Variants in TMEM108 observed in about 807,000 individuals in gnomAD.
TMEM108 encodes cancer/testis antigen 124.
A neutral mutation model predicts 35.1 loss-of-function variants in TMEM108; 12 were observed. The observed-to-expected ratio is 0.34, with a 90% CI of 0.22 to 0.55. The LOEUF is 0.55. Ranked by LOEUF, TMEM108 falls within the 20% of genes least tolerant of loss-of-function variation. The pLI is 0.89. For missense variants in TMEM108, 680 were observed against 753.3 expected, an observed-to-expected ratio of 0.90 and a Z score of 1.14; for synonymous variants, 287 against 308.6, an observed-to-expected ratio of 0.93 and a Z score of 0.73.
In TMEM108 at chr3:133,380,901, T is replaced by C; in HGVS notation, c.1190T>C (p.Ile397Thr). 6.2e-7 allele frequency: 1 copy of C among 1,614,162 alleles called. No homozygotes were observed. The highest frequency in any genetic ancestry group is 8.5e-7 in the Non-Finnish European group (1 of 1,180,014). ...CCCTCCAGGGTCTCAGAAAGCACTATTTCTGGAGCCAAGGAGGAGACTGTG... is the reference window on the plus strand; with the variant it reads ...CCCTCCAGGGTCTCAGAAAGCACTACTTCTGGAGCCAAGGAGGAGACTGTG... Reference protein sequence around the residue: ...THPSRVSESTISGAKEETVAT... With the variant: ...THPSRVSESTTSGAKEETVAT... The change falls in exon 4 of 6, where the codon ATT becomes ACT. Residue 397 changes from isoleucine (I) to threonine (T), a missense_variant. Around this residue, in one of 3 missense-constraint regions of TMEM108, gnomAD observed 526 missense variants for 532.1 expected, o/e 0.99. Coordinates refer to ENST00000321871, the MANE Select transcript of TMEM108 (RefSeq NM_023943.4). The surrounding 1 kb of genome is among the most constrained non-coding windows in gnomAD (Gnocchi z 5.3).
At chr3:133,322,116 G>C (rs1306220436) in intron 3 of TMEM108, among the ~76,000 whole-genome samples, 3 of 151,888 alleles carry the variant, frequency 2.0e-5, no homozygotes, top group African/African-American at 4.8e-5. Flanking sequence ...TACACCTCAA[G>C]GTACTAGAGA....
intron 3 of TMEM108, among the ~76,000 whole-genome samples, chr3:133,242,087 T>C (rs934785268): frequency 6.6e-6 from 1 of 152,184 alleles, no homozygotes; most frequent in African/African-American, 2.4e-5. Context: ...CCTTCTCCTC[T>C]TTTCCATGTA....
At chr3:133,282,456 A>G (rs1190183613) in intron 3 of TMEM108, among the ~76,000 whole-genome samples, 1 of 152,214 alleles carries the variant, frequency 6.6e-6, no homozygotes, top group Non-Finnish European at 1.5e-5. Flanking sequence ...CCACCACAAC[A>G]TATCCATGTT....
Position 133,146,794 on chromosome 3 carries a change from T to C in TMEM108, c.-46-82472T>C, listed in dbSNP as rs138909896. On this transcript the variant is annotated intron_variant, in intron 2 of 5. Coordinates refer to ENST00000321871, the MANE Select transcript of TMEM108 (RefSeq NM_023943.4). ...TTTCTGATGGTAGTTTGTATTTCTG[T>C]GGGATCAGTGTTGATATCCCTTTTA... 9.0e-3 allele frequency among the ~76,000 whole-genome samples: 1,367 copies of C among 152,342 alleles called. 20 individuals carry two copies. The highest frequency in any genetic ancestry group is 0.031 in the African/African-American group (1,304 of 41,582).
At chr3:133,126,052 A>T (rs1944411546) in intron 2 of TMEM108, among the ~76,000 whole-genome samples, 1 of 152,226 alleles carries the variant, frequency 6.6e-6, no homozygotes, top group African/African-American at 2.4e-5. Context: ...GCCAAATTGT[A>T]ATTTACTGGG....
At chr3:133,073,645 A>C (rs1388361507) in intron 2 of TMEM108, among the ~76,000 whole-genome samples, 1 of 150,986 alleles carries the variant, frequency 6.6e-6, no homozygotes, top group Non-Finnish European at 1.5e-5. Context: ...TCTCTTCTAC[A>C]TACCGATTTC....
chr3:133,352,907 G>T (rs1174548491), intron 3 of TMEM108, among the ~76,000 whole-genome samples: 1 of 152,110 alleles, frequency 6.6e-6, no homozygotes, highest in Non-Finnish European at 1.5e-5. Context: ...CCTCTCCCCA[G>T]AGGTCAGGGG....
In TMEM108 at chr3:133,040,208, T is replaced by TG. The variant is rs576260548; in HGVS notation, c.-166+1773_-166+1774insG. On this transcript the variant is annotated intron_variant, in intron 1 of 5. Coordinates refer to ENST00000321871, the MANE Select transcript of TMEM108 (RefSeq NM_023943.4). The stretch of plus-strand genomic sequence containing the variant: ...CAGTTTTTTTTGTTTGTTTGTTTGT[T>TG]TTTTTTTTTTTTTGAGACGGAGTCT... Among the ~76,000 whole-genome samples, 1,329 of 135,264 alleles carry TG rather than the reference T, an allele frequency of 9.8e-3. 11 individuals carry two copies. Among genetic ancestry groups the TG allele is most frequent in the Non-Finnish European group, 0.015 (927 of 61,094 alleles). The allele number at this position is 135,264 out of a possible 152,430, so 88.7% of individuals were successfully genotyped here.
intron 2 of TMEM108, among the ~76,000 whole-genome samples, chr3:133,213,801 T>C (rs940245722): frequency 6.6e-6 from 1 of 152,174 alleles, no homozygotes; most frequent in Non-Finnish European, 1.5e-5. Context: ...TATTGTGCTT[T>C]GGTGTGTTAT....
intron 2 of TMEM108, among the ~76,000 whole-genome samples, chr3:133,154,870 A>C (rs1944856654): frequency 6.7e-6 from 1 of 150,044 alleles, no homozygotes; most frequent in Non-Finnish European, 1.5e-5. Context: ...ATAATAATTA[A>C]AAAAAATTAT....
chr3:133,107,496 G>GTGTGTA (rs1491503141), intron 2 of TMEM108, among the ~76,000 whole-genome samples: 1 of 139,968 alleles, frequency 7.1e-6, no homozygotes, highest in Non-Finnish European at 1.6e-5. Flanking sequence ...GTGTGTGTGT[G>GTGTGTA]TATAAAATGA....
Position 133,097,261 on chromosome 3 carries a change from A to G in TMEM108, c.-47+51241A>G, listed in dbSNP as rs564254989. On this transcript the variant is annotated intron_variant, in intron 2 of 5. Transcript: ENST00000321871. ...AAATCTTAATGTTCTTTGGAGGTTA[A>G]TGAATTTCAAGTATACTTGGGATTT... Among the ~76,000 whole-genome samples, 4 of 152,358 alleles carry G rather than the reference A, an allele frequency of 2.6e-5. No homozygotes were observed. In the East Asian group the frequency reaches 7.7e-4, roughly 29 times the overall value.
chr3:133,177,097 C>T (rs1342156520), intron 2 of TMEM108, among the ~76,000 whole-genome samples: 2 of 151,870 alleles, frequency 1.3e-5, no homozygotes, highest in Non-Finnish European at 2.9e-5. Flanking sequence ...ATACATACAC[C>T]CTCCCAAGAC....
intron 3 of TMEM108, among the ~76,000 whole-genome samples, chr3:133,305,045 T>C (rs1178367660): frequency 6.6e-6 from 1 of 151,836 alleles, no homozygotes; most frequent in African/African-American, 2.4e-5. Context: ...ATCGCACCAC[T>C]GCACCCCCAG....
At chr3:133,146,654 T>A (rs1014208561) in intron 2 of TMEM108, among the ~76,000 whole-genome samples, 2 of 152,226 alleles carry the variant, frequency 1.3e-5, no homozygotes. Context: ...TTGTTATTGG[T>A]CTATTCAGGG....
At chr3:133,111,886 C>T (rs1214877101) in intron 2 of TMEM108, among the ~76,000 whole-genome samples, 2 of 152,144 alleles carry the variant, frequency 1.3e-5, no homozygotes. Context: ...TGCTTCCACC[C>T]AGTAACTTTC....
At chr3:133,294,494 C>T (rs139437396) in intron 3 of TMEM108, among the ~76,000 whole-genome samples, 123 of 152,176 alleles carry the variant, frequency 8.1e-4, no homozygotes, top group Middle Eastern at 3.4e-3. Flanking sequence ...TGATTCTTTC[C>T]GGATAATTTA....
At chr3:133,384,523 A>C (rs2073097236) in intron 4 of TMEM108, among the ~76,000 whole-genome samples, 1 of 152,178 alleles carries the variant, frequency 6.6e-6, no homozygotes. Flanking sequence ...TTCTCTCCTG[A>C]GCCCTGCCAG....
At chr3:133,321,385 C>T (rs1163745835) in intron 3 of TMEM108, among the ~76,000 whole-genome samples, 3 of 152,122 alleles carry the variant, frequency 2.0e-5, no homozygotes, top group African/African-American at 7.2e-5. Flanking sequence ...TCAGACAAAA[C>T]AAACTTTGAA....
Sources: gnomAD v4.1 joint callset for allele counts (sites outside exome capture counted in the v4.1 genomes callset) on GRCh38, gnomAD v4.1.1 for gene constraint, gnomAD v4.1.1 regional missense constraint, Gnocchi (gnomAD v3.1) non-coding constraint, MANE v1.5 for transcripts, NCBI Gene and HGNC (gene_info 2026-07-23, HGNC 2026-07-21) for gene names.